Variants in EIF1B observed in about 807,000 individuals in gnomAD.
EIF1B encodes protein translation factor SUI1 homolog GC20.
Under a neutral mutation model 14.8 loss-of-function variants are expected in EIF1B, and 5 were observed. The ratio of observed to expected loss-of-function variants is 0.34; its 90% CI spans 0.18 to 0.71. The LOEUF (loss-of-function observed/expected upper bound fraction) is 0.71. Among genes scored for constraint, EIF1B ranks in the 30% least tolerant of loss-of-function variants. The pLI, the probability that EIF1B is intolerant of heterozygous loss-of-function variation, is 0.64. For synonymous variants in EIF1B, 45 were observed against 45.8 expected (o/e 0.98, Z 0.07); for missense variants, 56 against 134.0 (o/e 0.42, Z 2.87).
Position 40,309,723 on chromosome 3 carries a change from G to A in EIF1B, c.-219G>A, listed in dbSNP as rs1954299766. 5.3e-6 allele frequency: 3 copies of A among 567,516 alleles called. No homozygotes were observed. Among genetic ancestry groups the A allele is most frequent in the African/African-American group, 3.8e-5 (2 of 52,714 alleles). 35.2% of individuals were successfully genotyped at this position (567,516 alleles called of 1,614,324 possible). A position where few individuals can be genotyped will look rare whatever the true frequency, so the allele number is the denominator to read the frequency against. ...ATTTTGTGCGAGAAGCCGCAGCGCC[G>A]CCTCTTCTCTCGCGCCCTCGCCTCT... is the stretch of plus-strand genomic sequence containing the variant. On this transcript the variant is annotated 5_prime_UTR_variant, in exon 1 of 4. Transcript: ENST00000232905.
chr3:40,309,740 CTCGCCTCTTCCTCCGCCTCCTCCT>C lies in EIF1B; in HGVS notation c.-189_-166del, dbSNP rs1306718875. The C allele has an allele frequency of 2.5e-5, 15 of 601,048 alleles. No individual in the cohort carries two copies. Among genetic ancestry groups the C allele is most frequent in the Middle Eastern group, 3.7e-4 (1 of 2,684 alleles). 37.2% of individuals were successfully genotyped at this position (601,048 alleles called of 1,614,324 possible). ...GCAGCGCCGCCTCTTCTCTCGCGCC[CTCGCCTCTTCCTCCGCCTCCTCCT>C]TCGCCTCTTCCTGCCTCCTCCCGGC... On this transcript the variant is annotated 5_prime_UTR_variant, in exon 1 of 4. Coordinates refer to ENST00000232905, the MANE Select transcript of EIF1B (RefSeq NM_005875.3).
Position 40,311,467 on chromosome 3 carries a change from C to T in EIF1B, c.196-3C>T, listed in dbSNP as rs1954325301. The T allele has an allele frequency of 1.2e-6, 2 of 1,609,312 alleles. No homozygotes were observed. The stretch of plus-strand genomic sequence containing the variant: ...TTTGTTGTATATTTATGCACTTTTC[C>T]AGAAATTTGCCTGTAATGGTACTGT... On this transcript the variant is annotated splice_region_variant and splice_polypyrimidine_tract_variant and intron_variant, in intron 2 of 3. Coordinates refer to ENST00000232905, the MANE Select transcript of EIF1B (RefSeq NM_005875.3).
chr3:40,311,378 A>G (rs1954324319), intron 2 of EIF1B, 92 bp from the exon 3 acceptor site: 1 of 878,540 alleles, frequency 1.1e-6, no homozygotes, highest in Non-Finnish European at 1.8e-6. Context: ...AATATGATCT[A>G]GCTTACTGAA....
rs1048383706 is a variant in EIF1B, at chr3:40,310,039, C to T, written c.31+67C>T. On this transcript the variant is annotated intron_variant, in intron 1 of 3. Transcript: ENST00000232905. ...GCATCTCGGCCTTTTGCCCGCCTGGCCACCGCCCCTAGGGGCCCCCTTTCT... is the reference window on the plus strand; with the variant it reads ...GCATCTCGGCCTTTTGCCCGCCTGGTCACCGCCCCTAGGGGCCCCCTTTCT... 4 of 1,599,516 alleles carry T rather than the reference C, an allele frequency of 2.5e-6. No homozygotes were observed. The East Asian group carries it at 6.7e-5, about 27-fold the overall frequency.
At chr3:40,310,369 G>GTTCC (rs1020747375) in intron 1 of EIF1B, among the ~76,000 whole-genome samples, 2 of 152,246 alleles carry the variant, frequency 1.3e-5, no homozygotes, top group Non-Finnish European at 2.9e-5. Context: ...GGGGCACTTA[G>GTTCC]GGAAAGATGC....
intron 1 of EIF1B, 193 bp from the exon 2 acceptor site, chr3:40,310,700 C>G: frequency 2.0e-6 from 1 of 504,050 alleles, no homozygotes; most frequent in East Asian, 3.2e-5. Context: ...AAATGTTTCT[C>G]TTTTTGTGAG....
chr3:40,310,740 C>T lies in EIF1B; in HGVS notation c.32-153C>T, dbSNP rs1322700676. ...TCTTGGGGGTTTTATTAATACTCCA[C>T]CCCCATCTCCATTCCTACCGGCAAA... is the stretch of plus-strand genomic sequence containing the variant. On this transcript the variant is annotated intron_variant, in intron 1 of 3. Coordinates refer to ENST00000232905, the MANE Select transcript of EIF1B (RefSeq NM_005875.3). 5.9e-6 allele frequency: 4 copies of T among 680,320 alleles called. No individual in the cohort carries two copies. The East Asian group carries it at 1.2e-4, about 20-fold the overall frequency. 42.1% of individuals were successfully genotyped at this position (680,320 alleles called of 1,614,324 possible). A position where few individuals can be genotyped will look rare whatever the true frequency, so the allele number is the denominator to read the frequency against.
At chr3:40,310,835 ACTT>A (rs1250525252) in intron 1 of EIF1B, 55 bp from the exon 2 acceptor site, 2 of 1,478,504 alleles carry the variant, frequency 1.4e-6, no homozygotes, top group East Asian at 2.4e-5. Flanking sequence ...TCTGGAAAGT[ACTT>A]CTTAAAAAAT....
At position 40,309,760 on chromosome 3, in the gene EIF1B, C is replaced by G. The variant is rs1030838154; in HGVS notation, c.-182C>G. 1 of 653,030 alleles carries G rather than the reference C, an allele frequency of 1.5e-6. No homozygotes were observed. The highest frequency in any genetic ancestry group is 2.6e-6 in the Non-Finnish European group (1 of 380,488). 40.5% of individuals were successfully genotyped at this position (653,030 alleles called of 1,614,324 possible). A position where few individuals can be genotyped will look rare whatever the true frequency, so the allele number is the denominator to read the frequency against. ...GCGCCCTCGCCTCTTCCTCCGCCTC[C>G]TCCTTCGCCTCTTCCTGCCTCCTCC... On this transcript the variant is annotated 5_prime_UTR_variant, in exon 1 of 4. Transcript: ENST00000232905.
At chr3:40,310,273 G>A (rs1204234909) in intron 1 of EIF1B, among the ~76,000 whole-genome samples, 2 of 152,292 alleles carry the variant, frequency 1.3e-5, no homozygotes, top group South Asian at 2.1e-4. Flanking sequence ...CCTATTTCGT[G>A]GACTCCTAGA....
intron 3 of EIF1B, 53 bp from the exon 4 acceptor site, chr3:40,311,917 T>C (rs954454426): frequency 2.3e-6 from 3 of 1,317,708 alleles, no homozygotes; most frequent in Non-Finnish European, 3.2e-6. Context: ...GTTTTCTTAA[T>C]GAATTTTTAT....
intron 2 of EIF1B, 145 bp downstream of exon 2, chr3:40,311,201 G>A (rs1184411298): frequency 1.3e-6 from 1 of 778,040 alleles, no homozygotes; most frequent in Non-Finnish European, 2.0e-6. Context: ...TAAATATTTA[G>A]TTATTCTCCC....
At position 40,312,013 on chromosome 3, in the gene EIF1B, A is replaced by G. The variant is rs372643850; in HGVS notation, c.341A>G (p.Ter114=). The G allele has an allele frequency of 7.5e-6, 12 of 1,607,036 alleles. No individual in the cohort carries two copies. The highest frequency in any genetic ancestry group is 2.2e-5 in the East Asian group (1 of 44,810). The change falls in exon 4 of 4, where the codon TAA becomes TGA. Residue 114 remains the stop codon, a stop_retained_variant. Transcript: ENST00000232905. ...GAACAGCTTAAGGTTCATGGATTCT[A>G]AAATGAACCTAAATACGTGGAGAAT... The part of the protein sequence containing the change: ...KEEQLKVHGF[*]
chr3:40,310,802 C>G (rs1954316387), intron 1 of EIF1B, 91 bp from the exon 2 acceptor site: 1 of 1,353,430 alleles, frequency 7.4e-7, no homozygotes. Flanking sequence ...TGATGACTGT[C>G]TGGATTGGTA....
At position 40,309,919 on chromosome 3, in the gene EIF1B, C is replaced by T. The variant is rs933431286; in HGVS notation, c.-23C>T. On this transcript the variant is annotated 5_prime_UTR_variant, in exon 1 of 4. Transcript: ENST00000232905. ...GGGCCCCGCAGGAATTTTATCCCCT[C>T]ACCGGCCTCACACTAGTATCGCATG... 1.9e-6 allele frequency: 3 copies of T among 1,613,730 alleles called. No homozygotes were observed. The highest frequency in any genetic ancestry group is 2.5e-6 in the Non-Finnish European group (3 of 1,179,850).
At chr3:40,310,634 G>C (rs4973915) in intron 1 of EIF1B, 306,801 of 313,560 alleles carry the variant, frequency 0.98, 150,304 homozygotes, top group East Asian at 1. Context: ...GGACCATATT[G>C]AACGATAACA....
In EIF1B at chr3:40,311,478, C is replaced by G; in HGVS notation, c.204C>G (p.Ala68=). The G allele has an allele frequency of 6.2e-7, 1 of 1,611,138 alleles. No homozygotes were observed. Among genetic ancestry groups the G allele is most frequent in the Non-Finnish European group, 8.5e-7 (1 of 1,178,562 alleles). The change falls in exon 3 of 4, where the codon GCC becomes GCG. Residue 68 remains alanine, a synonymous_variant. Coordinates refer to ENST00000232905, the MANE Select transcript of EIF1B (RefSeq NM_005875.3). ...KLVKAFKKKF[A]CNGTVIEHPE... ...TTTATGCACTTTTCCAGAAATTTGC[C>G]TGTAATGGTACTGTGATTGAACATC...
intron 1 of EIF1B, 29 bp from the exon 2 acceptor site, chr3:40,310,864 A>AT (rs35523102): frequency 0.03 from 42,073 of 1,385,162 alleles, 73 homozygotes; most frequent in African/African-American, 0.061. Flanking sequence ...TCTACTTTGG[A>AT]TTTTTTTTTT....
rs1354196226 is a variant in EIF1B, at chr3:40,309,781, C to T, written c.-161C>T. 1.3e-6 allele frequency: 1 copy of T among 776,652 alleles called. No individual in the cohort carries two copies. Among genetic ancestry groups the T allele is most frequent in the Non-Finnish European group, 2.1e-6 (1 of 475,068 alleles). The allele number at this position is 776,652 out of a possible 1,614,324, so 48.1% of individuals were successfully genotyped here. The stretch of plus-strand genomic sequence containing the variant: ...CCTCCTCCTTCGCCTCTTCCTGCCT[C>T]CTCCCGGCTTCCGCCGCCGCCACTC... On this transcript the variant is annotated 5_prime_UTR_variant, in exon 1 of 4. Coordinates refer to ENST00000232905, the MANE Select transcript of EIF1B (RefSeq NM_005875.3).
Sources: gnomAD v4.1 joint callset for allele counts (sites outside exome capture counted in the v4.1 genomes callset) on GRCh38, gnomAD v4.1.1 for gene constraint, MANE v1.5 for transcripts, NCBI Gene and HGNC (gene_info 2026-07-23, HGNC 2026-07-21) for gene names.